Variants in ANKRD44 observed in about 807,000 individuals in gnomAD.
ANKRD44 encodes the protein serine/threonine-protein phosphatase 6 regulatory ankyrin repeat subunit B.
A neutral mutation model predicts 116.0 loss-of-function variants in ANKRD44; 35 were observed. The ratio of observed to expected loss-of-function variants is 0.30; its 90% CI spans 0.23 to 0.40. ANKRD44 has a LOEUF of 0.40. Among genes scored for constraint, ANKRD44 ranks in the 10% least tolerant of loss-of-function variants. The probability of loss-of-function intolerance (pLI) is 1.00; values close to 1 mark genes in which losing one functional copy is unlikely to be tolerated. For missense variants in ANKRD44, 1,014 were observed against 1,242.6 expected (o/e 0.82, Z 2.77); for synonymous variants, 435 against 461.8 (o/e 0.94, Z 0.74).
rs6743524 is a variant in ANKRD44 at position 197,100,059 on chromosome 2, G to A, written c.986-129C>T. ...TATTCCAGTTGTGCATCTTTGCTCC[G>A]AAATACAAGAATGCTTTTAAAGGGG... On this transcript the variant is annotated intron_variant, in intron 9 of 27. Coordinates refer to ENST00000282272, the MANE Select transcript of ANKRD44 (RefSeq NM_001195144.2). 10,188 of 789,178 alleles carry A rather than the reference G, an allele frequency of 0.013. 603 individuals carry two copies. In the African/African-American group the frequency reaches 0.14, roughly 11 times the overall value. The allele number at this position is 789,178 out of a possible 1,614,324, so 48.9% of individuals were successfully genotyped here.
intron 16 of ANKRD44, among the ~76,000 whole-genome samples, chr2:197,035,399 G>T (rs1449801803): frequency 6.6e-6 from 1 of 152,134 alleles, no homozygotes; most frequent in Admixed American, 6.5e-5. Context: ...AAAGAGAAAA[G>T]TATAGCTGGT....
chr2:197,064,337 CT>C (rs2077384992), intron 16 of ANKRD44, among the ~76,000 whole-genome samples: 1 of 152,204 alleles, frequency 6.6e-6, no homozygotes, highest in African/African-American at 2.4e-5. Flanking sequence ...GTACCAGCCA[CT>C]GCAAAAACAT....
At chr2:197,122,903 A>T in intron 6 of ANKRD44, 111 bp from the exon 7 acceptor site, 1 of 1,339,614 alleles carries the variant, frequency 7.5e-7, no homozygotes, top group Non-Finnish European at 1.0e-6. Context: ...TATTTTGCTG[A>T]GTTATTTGTA....
intron 1 of ANKRD44, chr2:197,296,319 C>G (rs771691020): frequency 6.6e-5 from 10 of 152,224 alleles, no homozygotes; most frequent in Non-Finnish European, 1.5e-4. Flanking sequence ...CAGCCTGATT[C>G]TTTTCAGCCT....
Position 197,056,798 on chromosome 2 carries a change from T to C in ANKRD44, c.1650+21905A>G, listed in dbSNP as rs181820235. Among the ~76,000 whole-genome samples the C allele has an allele frequency of 2.5e-3, 380 of 152,352 alleles. 1 individual carries two copies. The highest frequency in any genetic ancestry group is 0.016 in the East Asian group (85 of 5,192). On this transcript the variant is annotated intron_variant, in intron 16 of 27. Coordinates refer to ENST00000282272, the MANE Select transcript of ANKRD44 (RefSeq NM_001195144.2). ...ATACCCTTATCAATCCATCTTGAAT[T>C]GAGTTTTGTGTAAGATATGAAGTAG...
At chr2:197,193,838 C>T (rs1418881356) in intron 1 of ANKRD44, among the ~76,000 whole-genome samples, 2 of 151,996 alleles carry the variant, frequency 1.3e-5, no homozygotes, top group Admixed American at 6.6e-5. Flanking sequence ...GCCGAGATCG[C>T]GCCACTGCAC....
chr2:197,183,917 T>A (rs181444123), intron 2 of ANKRD44, among the ~76,000 whole-genome samples: 99 of 152,308 alleles, frequency 6.5e-4, no homozygotes, highest in African/African-American at 2.3e-3. Flanking sequence ...AGGTTACACA[T>A]CACTTTATCA....
chr2:197,230,509 A>G (rs1199419089), intron 1 of ANKRD44, among the ~76,000 whole-genome samples: 1 of 152,176 alleles, frequency 6.6e-6, no homozygotes, highest in Non-Finnish European at 1.5e-5. Flanking sequence ...ACTGCCTATG[A>G]TGGGGTCTAC....
At chr2:197,140,138 G>T (rs111693545) in intron 3 of ANKRD44, among the ~76,000 whole-genome samples, 22 of 150,420 alleles carry the variant, frequency 1.5e-4, no homozygotes, top group African/African-American at 5.2e-4. Context: ...TGCCTCAGGT[G>T]CAAGTATTTG....
intron 16 of ANKRD44, chr2:197,029,642 T>A (rs1038340607): frequency 5.7e-6 from 2 of 353,048 alleles, no homozygotes; most frequent in African/African-American, 4.4e-5. Flanking sequence ...AAGGCCTTCA[T>A]GGTACCATTA....
intron 1 of ANKRD44, among the ~76,000 whole-genome samples, chr2:197,245,742 C>T (rs1488443826): frequency 1.3e-5 from 2 of 152,180 alleles, no homozygotes; most frequent in Non-Finnish European, 2.9e-5. Flanking sequence ...TACTCTATTA[C>T]TCTAAAACCT....
chr2:197,267,517 G>A (rs938063377), intron 1 of ANKRD44, among the ~76,000 whole-genome samples: 3 of 152,178 alleles, frequency 2.0e-5, no homozygotes, highest in Non-Finnish European at 2.9e-5. Flanking sequence ...CCACATCTAT[G>A]TTTGGCTCCA....
At chr2:197,287,159 A>T (rs2083430142) in intron 1 of ANKRD44, among the ~76,000 whole-genome samples, 1 of 152,134 alleles carries the variant, frequency 6.6e-6, no homozygotes, top group Non-Finnish European at 1.5e-5. Flanking sequence ...GGGGATGGTG[A>T]CAGTGGGAGA....
At chr2:197,080,974 A>G (rs1245838821) in intron 15 of ANKRD44, among the ~76,000 whole-genome samples, 1 of 152,242 alleles carries the variant, frequency 6.6e-6, no homozygotes, top group Non-Finnish European at 1.5e-5. Flanking sequence ...TAGGCACTGC[A>G]CTGAGCACTG....
At chr2:197,185,720 C>T (rs1433093953) in intron 2 of ANKRD44, among the ~76,000 whole-genome samples, 1 of 151,972 alleles carries the variant, frequency 6.6e-6, no homozygotes, top group Non-Finnish European at 1.5e-5. Context: ...AGTCAGATAC[C>T]TTTTTAAGAA....
At position 197,129,727 on chromosome 2, in the gene ANKRD44, C is replaced by T. The variant is rs929575304; in HGVS notation, c.262-3690G>A. Among the ~76,000 whole-genome samples, 29 of 152,150 alleles carry T rather than the reference C, an allele frequency of 1.9e-4. 1 individual carries two copies. The highest frequency in any genetic ancestry group is 1.3e-3 in the Admixed American group (20 of 15,278). On this transcript the variant is annotated intron_variant, in intron 4 of 27. Transcript: ENST00000282272. ...CCTTGAAATAAGAAGTAGAAACATA[C>T]ACTGTGGCACATGGAAAAGATGAGA...
chr2:197,126,103 A>T (rs1234278252), intron 4 of ANKRD44, 66 bp from the exon 5 acceptor site: 2 of 1,532,156 alleles, frequency 1.3e-6, no homozygotes, highest in African/African-American at 1.4e-5. Context: ...CTGGTGTAAG[A>T]TGCTTCACCA....
At chr2:197,273,323 C>T (rs2082952535) in intron 1 of ANKRD44, among the ~76,000 whole-genome samples, 2 of 152,100 alleles carry the variant, frequency 1.3e-5, no homozygotes, top group Admixed American at 6.5e-5. Flanking sequence ...ATTTTTTTAA[C>T]ATCAAATTAA....
At chr2:196,983,079 G>C (rs929094582), downstream of ANKRD44, among the ~76,000 whole-genome samples, 1 of 152,018 alleles carries the variant, frequency 6.6e-6, no homozygotes, top group Non-Finnish European at 1.5e-5. Context: ...TAATGCATGC[G>C]GGGCCTAAAA....
Sources: gnomAD v4.1 joint callset for allele counts (sites outside exome capture counted in the v4.1 genomes callset) on GRCh38, gnomAD v4.1.1 for gene constraint, MANE v1.5 for transcripts, NCBI Gene and HGNC (gene_info 2026-07-23, HGNC 2026-07-21) for gene names.